SEC63: variants seen among roughly 807,000 people sequenced by gnomAD.
SEC63 encodes the protein translocation protein SEC63 homolog.
Under a neutral mutation model 116.2 loss-of-function variants are expected in SEC63, and 56 were observed. The observed-to-expected ratio is 0.48, with a 90% CI of 0.39 to 0.60. The LOEUF (loss-of-function observed/expected upper bound fraction) is 0.60. Ranked by LOEUF, SEC63 falls within the 20% of genes least tolerant of loss-of-function variation. The pLI is 0.00. For missense variants in SEC63, 668 were observed against 900.0 expected (o/e 0.74, Z 3.30); for synonymous variants, 273 against 294.6 (o/e 0.93, Z 0.75).
intron 2 of SEC63, 58 bp downstream of exon 2, chr6:107,929,357 T>C: frequency 1.2e-6 from 1 of 868,690 alleles, no homozygotes; most frequent in Non-Finnish European, 2.0e-6. Context: ...GTATATGTTG[T>C]ATGACCTAGC....
chr6:107,957,645 A>AC lies in SEC63; in HGVS notation c.124+240dup, dbSNP rs1387957681. The stretch of plus-strand genomic sequence containing the variant: ...CAGGAGGAGGCTGCAAGGAGCGTCC[A>AC]CAACAATGGAGAAGATGGAGCGAGC... On this transcript the variant is annotated intron_variant, in intron 1 of 20. Transcript: ENST00000369002. The AC allele has an allele frequency of 1.5e-5, 5 of 333,754 alleles. No homozygotes were observed. In the East Asian group the frequency reaches 2.5e-4, roughly 17 times the overall value. The allele number at this position is 333,754 out of a possible 1,614,324, so 20.7% of individuals were successfully genotyped here.
At chr6:107,926,352 C>A (rs1425500555) in intron 2 of SEC63, among the ~76,000 whole-genome samples, 1 of 152,086 alleles carries the variant, frequency 6.6e-6, no homozygotes. Flanking sequence ...ATTTGTTACA[C>A]TGAGCAAGAA....
chr6:107,916,545 ACTT>A (rs993704851), intron 4 of SEC63, among the ~76,000 whole-genome samples: 42 of 152,338 alleles, frequency 2.8e-4, no homozygotes, highest in African/African-American at 9.9e-4. Flanking sequence ...TTGCAAGCAA[ACTT>A]CTTATTGCAC....
chr6:107,893,402 A>C (rs1311062151), intron 16 of SEC63, 80 bp downstream of exon 16: 1 of 1,392,124 alleles, frequency 7.2e-7, no homozygotes, highest in African/African-American at 1.4e-5. Context: ...AAAACTTTTG[A>C]AGCTGTACAC....
Position 107,868,545 on chromosome 6 carries a change from C to G in SEC63, c.*3159G>C. 6.6e-6 allele frequency: 1 copy of G among 152,040 alleles called. No homozygotes were observed. Among genetic ancestry groups the G allele is most frequent in the East Asian group, 1.9e-4 (1 of 5,170 alleles). 9.4% of individuals were successfully genotyped at this position (152,040 alleles called of 1,614,324 possible). On this transcript the variant is annotated 3_prime_UTR_variant, in exon 21 of 21. Coordinates refer to ENST00000369002, the MANE Select transcript of SEC63 (RefSeq NM_007214.5). ...AGTGAGCTGAGATCGTGCCACTGCA[C>G]TCCTCCAGCCTGGAGGACAGAGCGA...
chr6:107,918,145 A>C (rs1787457107), intron 4 of SEC63, among the ~76,000 whole-genome samples: 3 of 152,066 alleles, frequency 2.0e-5, no homozygotes, highest in Non-Finnish European at 4.4e-5. Flanking sequence ...TGCTAAATCT[A>C]TTCTGCCATG....
intron 1 of SEC63, among the ~76,000 whole-genome samples, chr6:107,953,217 G>A (rs146989319): frequency 0.018 from 2,729 of 152,326 alleles, 61 homozygotes; most frequent in African/African-American, 0.061. Context: ...CCGAGATCAC[G>A]CCACTGCACT....
chr6:107,948,313 C>G (rs1770516966), intron 1 of SEC63, among the ~76,000 whole-genome samples: 1 of 152,092 alleles, frequency 6.6e-6, no homozygotes, highest in Non-Finnish European at 1.5e-5. Flanking sequence ...TTGAGTCCAA[C>G]AAACAGTCTT....
chr6:107,920,425 C>CAAAAAAAAAAAAAAAAAAAAAAAAAAA (rs34816965), intron 4 of SEC63, among the ~76,000 whole-genome samples: 1 of 73,394 alleles, frequency 1.4e-5, no homozygotes, highest in African/African-American at 5.5e-5. Flanking sequence ...GACTCCGTCT[C>CAAAAAAAAAAAAAAAAAAAAAAAAAAA]AAAAAAAAAA....
chr6:107,883,196 T>C (rs2114406973), intron 16 of SEC63, 50 bp from the exon 17 acceptor site: 1 of 1,604,540 alleles, frequency 6.2e-7, no homozygotes, highest in South Asian at 1.1e-5. Context: ...AATGAGAACA[T>C]ATCAATCTGA....
Position 107,881,391 on chromosome 6 carries a change from T to C in SEC63, c.1834-141A>G, listed in dbSNP as rs907150604. ...AGTCTCACAAATCTGATCATCTCCC[T>C]GCTCATCCTTACAATGCCTTTTTAA... On this transcript the variant is annotated intron_variant, in intron 17 of 20. Transcript: ENST00000369002. 4.6e-6 allele frequency: 3 copies of C among 648,298 alleles called. No homozygotes were observed. In the African/African-American group the frequency reaches 5.5e-5, roughly 12 times the overall value. 40.2% of individuals were successfully genotyped at this position (648,298 alleles called of 1,614,324 possible).
chr6:107,950,463 C>T (rs1366962280), intron 1 of SEC63, among the ~76,000 whole-genome samples: 2 of 152,112 alleles, frequency 1.3e-5, no homozygotes, highest in African/African-American at 4.8e-5. Flanking sequence ...ACAGCAGCAG[C>T]ACATACATTG....
chr6:107,882,814 T>C (rs1229683628), intron 17 of SEC63, among the ~76,000 whole-genome samples, 174 bp downstream of exon 17: 3 of 152,188 alleles, frequency 2.0e-5, no homozygotes, highest in East Asian at 3.8e-4. Flanking sequence ...CTGTATAACC[T>C]TGACTACCAT....
chr6:107,913,477 A>G (rs1787331893), intron 4 of SEC63, 50 bp from the exon 5 acceptor site: 3 of 1,301,534 alleles, frequency 2.3e-6, no homozygotes, highest in African/African-American at 2.9e-5. Flanking sequence ...CATCTGAAAA[A>G]CAAGTACTCA....
chr6:107,876,728 T>C, intron 18 of SEC63, 66 bp from the exon 19 acceptor site: 2 of 1,120,110 alleles, frequency 1.8e-6, no homozygotes, highest in South Asian at 1.4e-5. Context: ...CTAGAAAGAA[T>C]ATAATTTTGG....
In SEC63 at chr6:107,868,872, G is replaced by C. The variant is rs879445151; in HGVS notation, c.*2832C>G. ...TGAATGACAACCTCTCAAAAATTATGTAAGGTGCTGAATTACATTTGAAAT... is the reference window on the plus strand; with the variant it reads ...TGAATGACAACCTCTCAAAAATTATCTAAGGTGCTGAATTACATTTGAAAT... On this transcript the variant is annotated 3_prime_UTR_variant, in exon 21 of 21. Coordinates refer to ENST00000369002, the MANE Select transcript of SEC63 (RefSeq NM_007214.5). 2.0e-5 allele frequency: 3 copies of C among 152,162 alleles called. No homozygotes were observed. Among genetic ancestry groups the C allele is most frequent in the East Asian group, 1.9e-4 (1 of 5,194 alleles). The allele number at this position is 152,162 out of a possible 1,614,324, so 9.4% of individuals were successfully genotyped here. A position where few individuals can be genotyped will look rare whatever the true frequency, so the allele number is the denominator to read the frequency against.
chr6:107,953,582 C>CCCCCG (rs1770627103), intron 1 of SEC63, among the ~76,000 whole-genome samples: 1 of 147,270 alleles, frequency 6.8e-6, no homozygotes, highest in Admixed American at 6.7e-5. Flanking sequence ...GGGGGTCAGC[C>CCCCCG]CCCCGCCCGG....
At chr6:107,955,800 T>C (rs1770698990) in intron 1 of SEC63, among the ~76,000 whole-genome samples, 1 of 152,056 alleles carries the variant, frequency 6.6e-6, no homozygotes, top group Non-Finnish European at 1.5e-5. Flanking sequence ...GCAGAACTGC[T>C]TGAACCCAGC....
chr6:107,916,634 C>A (rs1465581083), intron 4 of SEC63, among the ~76,000 whole-genome samples: 2 of 152,232 alleles, frequency 1.3e-5, no homozygotes, highest in African/African-American at 4.8e-5. Flanking sequence ...ATTTTTCCAA[C>A]AGCATGTGCT....
Sources: gnomAD v4.1 joint callset for allele counts (sites outside exome capture counted in the v4.1 genomes callset) on GRCh38, gnomAD v4.1.1 for gene constraint, MANE v1.5 for transcripts, NCBI Gene and HGNC (gene_info 2026-07-23, HGNC 2026-07-21) for gene names.